Variants in GALC observed in about 807,000 individuals in gnomAD.
The protein encoded by GALC is galactosylceramidase.
A neutral mutation model predicts 91.8 loss-of-function variants in GALC; 77 were observed. The ratio of observed to expected loss-of-function variants is 0.84; its 90% CI spans 0.70 to 1.01. The LOEUF is 1.01. GALC is among the 50% of genes least tolerant of loss of function. The pLI is 0.00. For synonymous variants in GALC, 357 were observed against 306.7 expected, an observed-to-expected ratio of 1.16 and a Z score of -1.71; for missense variants, 882 against 855.9, an observed-to-expected ratio of 1.03 and a Z score of -0.38.
chr14:87,954,090 G>T, intron 10 of GALC: 1 of 1,609,720 alleles, frequency 6.2e-7, no homozygotes, highest in South Asian at 1.1e-5. Context: ...ATTAAATCTT[G>T]GGAGTTATTC....
chr14:87,982,138 T>C, intron 6 of GALC, 67 bp downstream of exon 6: 1 of 830,696 alleles, frequency 1.2e-6, no homozygotes, highest in Non-Finnish European at 2.0e-6. Flanking sequence ...CTATTTTCTG[T>C]GTTAGGAACC....
chr14:87,992,937 G>C, intron 1 of GALC, 33 bp downstream of exon 1: 1 of 1,497,482 alleles, frequency 6.7e-7, no homozygotes, highest in Non-Finnish European at 8.8e-7. Flanking sequence ...GGCTCTTGCC[G>C]CCCCCCGCGT....
At chr14:87,956,613 CA>C (rs1355247915) in intron 10 of GALC, among the ~76,000 whole-genome samples, 20 of 136,990 alleles carry the variant, frequency 1.5e-4, no homozygotes, top group East Asian at 2.0e-4. Context: ...CACACACACA[CA>C]CACACACCAT....
At chr14:87,978,514 G>A (rs1430202531) in intron 6 of GALC, among the ~76,000 whole-genome samples, 1 of 152,220 alleles carries the variant, frequency 6.6e-6, no homozygotes, top group South Asian at 2.1e-4. Flanking sequence ...AAGTCTACAT[G>A]CTATGATTTC....
At chr14:87,971,216 G>A (rs1373054210) in intron 7 of GALC, among the ~76,000 whole-genome samples, 1 of 152,108 alleles carries the variant, frequency 6.6e-6, no homozygotes, top group Non-Finnish European at 1.5e-5. Context: ...GAGCCTCGCA[G>A]CATCAGAAAT....
At chr14:87,962,390 G>C (rs937702553) in intron 10 of GALC, among the ~76,000 whole-genome samples, 1 of 152,038 alleles carries the variant, frequency 6.6e-6, no homozygotes, top group Non-Finnish European at 1.5e-5. Context: ...AGACATAAAA[G>C]GCTTATTGGT....
chr14:87,967,946 A>G (rs1251552111), intron 8 of GALC, among the ~76,000 whole-genome samples: 1 of 152,200 alleles, frequency 6.6e-6, no homozygotes, highest in Non-Finnish European at 1.5e-5. Context: ...CTCATGTATG[A>G]AAACATGATA....
At chr14:87,964,040 G>A (rs1885923741) in intron 9 of GALC, among the ~76,000 whole-genome samples, 2 of 151,942 alleles carry the variant, frequency 1.3e-5, no homozygotes, top group South Asian at 2.1e-4. Flanking sequence ...GATAATGTGG[G>A]GCCAACAATT....
intron 6 of GALC, among the ~76,000 whole-genome samples, chr14:87,978,825 C>CAA (rs575209127): frequency 8.9e-5 from 10 of 112,346 alleles, no homozygotes; most frequent in African/African-American, 6.5e-5. Flanking sequence ...ATATCAGTAG[C>CAA]AAAAAAAAAA....
chr14:87,971,917 G>C (rs551301009), intron 7 of GALC, among the ~76,000 whole-genome samples: 4 of 152,298 alleles, frequency 2.6e-5, no homozygotes, highest in African/African-American at 7.2e-5. Flanking sequence ...GGAACGCTTT[G>C]TTTGAGGGAG....
At position 87,984,414 on chromosome 14, in the gene GALC, A is replaced by T. The variant is rs1886881320; in HGVS notation, c.562T>A (p.Leu188Met). Residue 188 changes from leucine to methionine, a missense_variant, in exon 5 of 17, where the codon TTG (leucine) becomes ATG (methionine). By Grantham distance (15) the Leu-to-Met change is conservative. Coordinates refer to ENST00000261304, the MANE Select transcript of GALC (RefSeq NM_000153.4). ...WIVGAKRYHD[L>M]DIDYIGIWNE... Reference sequence around the variant, plus strand: ...CTAACTCCAATATAATCAATGTCCAAATCATGGTAACGCTTGGCGCCCACA... The same window carrying T: ...CTAACTCCAATATAATCAATGTCCATATCATGGTAACGCTTGGCGCCCACA... 2 of 1,613,846 alleles carry T rather than the reference A, an allele frequency of 1.2e-6. No individual in the cohort carries two copies. The highest frequency in any genetic ancestry group is 1.7e-6 in the Non-Finnish European group (2 of 1,179,866).
chr14:87,956,225 A>G (rs384152), intron 10 of GALC, among the ~76,000 whole-genome samples: 145,816 of 152,006 alleles, frequency 0.96, 70,238 homozygotes, highest in East Asian at 1. Context: ...TATGCCCAAA[A>G]CCACATTCTC....
intron 9 of GALC, 124 bp from the exon 10 acceptor site, chr14:87,963,635 G>A: frequency 1.3e-6 from 1 of 799,396 alleles, no homozygotes; most frequent in South Asian, 1.6e-5. Flanking sequence ...TTTCTATTTT[G>A]CAGGAATATA....
chr14:87,956,605 C>CCATATATAT (rs1362649511), intron 10 of GALC, among the ~76,000 whole-genome samples: 1 of 143,046 alleles, frequency 7.0e-6, no homozygotes, highest in Non-Finnish European at 1.5e-5. Flanking sequence ...CACACACACA[C>CCATATATAT]ACACACACAC....
At position 87,934,139 on chromosome 14, in the gene GALC, G is replaced by C; in HGVS notation, c.*593C>G. ...AGTGTTAGAGGTAGTTTATTAAAGAGGCATTTTTAAAATCATCCCACTCAT... is the reference window on the plus strand; with the variant it reads ...AGTGTTAGAGGTAGTTTATTAAAGACGCATTTTTAAAATCATCCCACTCAT... On this transcript the variant is annotated 3_prime_UTR_variant, in exon 17 of 17. Transcript: ENST00000261304. 7.0e-7 allele frequency: 1 copy of C among 1,428,094 alleles called. No homozygotes were observed. The highest frequency in any genetic ancestry group is 9.2e-7 in the Non-Finnish European group (1 of 1,090,530). 88.5% of individuals were successfully genotyped at this position (1,428,094 alleles called of 1,614,324 possible).
intron 16 of GALC, among the ~76,000 whole-genome samples, chr14:87,935,442 T>G (rs1213263013): frequency 6.6e-6 from 1 of 151,960 alleles, no homozygotes; most frequent in East Asian, 1.9e-4. Context: ...TACCCTTAAG[T>G]TGGAAAAACA....
chr14:87,961,668 C>T (rs1885811625), intron 10 of GALC, among the ~76,000 whole-genome samples: 1 of 152,160 alleles, frequency 6.6e-6, no homozygotes, highest in African/African-American at 2.4e-5. Flanking sequence ...AAGACCCTCA[C>T]TCAACAGGTG....
intron 7 of GALC, among the ~76,000 whole-genome samples, chr14:87,970,635 C>T (rs955501817): frequency 2.0e-5 from 3 of 150,252 alleles, no homozygotes; most frequent in Non-Finnish European, 3.0e-5. Flanking sequence ...CCAAGGCGGG[C>T]GGATCACGAG....
rs912316495 is a variant in GALC at position 87,934,649 on chromosome 14, C to T, written c.*83G>A. ...AGTCTCAAAAGCCTCATATACTGTT[C>T]CAATGAAACAAGAATTGGCTCTGAA... On this transcript the variant is annotated 3_prime_UTR_variant, in exon 17 of 17. Transcript: ENST00000261304. 1.9e-6 allele frequency: 3 copies of T among 1,606,942 alleles called. No homozygotes were observed. The Admixed American group carries it at 5.0e-5, about 27-fold the overall frequency.
Sources: gnomAD v4.1 joint callset for allele counts (sites outside exome capture counted in the v4.1 genomes callset) on GRCh38, gnomAD v4.1.1 for gene constraint, MANE v1.5 for transcripts, NCBI Gene and HGNC (gene_info 2026-07-23, HGNC 2026-07-21) for gene names.